The following MTBP variants were observed in gnomAD, a reference collection of about 807,000 sequenced individuals.
The protein encoded by MTBP is mdm2-binding protein.
In MTBP, 101 loss-of-function variants were observed where a neutral mutation model predicts 117.0. The observed-to-expected ratio is 0.86, with a 90% CI of 0.73 to 1.02. MTBP has a LOEUF of 1.02. Ranked by LOEUF, MTBP falls within the 50% of genes least tolerant of loss-of-function variation. The pLI, the probability that MTBP is intolerant of heterozygous loss-of-function variation, is 0.00. For synonymous variants in MTBP, 350 were observed against 351.5 expected (o/e 1.00, Z 0.05); for missense variants, 970 against 1,030.9 (o/e 0.94, Z 0.81).
chr8:120,462,452 CA>C, intron 9 of MTBP, among the ~76,000 whole-genome samples: 1 of 152,194 alleles, frequency 6.6e-6, no homozygotes, highest in Middle Eastern at 3.4e-3. Context: ...GCCATTTTCG[CA>C]GAGGAAAAGG....
intron 11 of MTBP, among the ~76,000 whole-genome samples, chr8:120,483,572 A>G (rs1814142976): frequency 6.6e-6 from 1 of 152,170 alleles, no homozygotes; most frequent in African/African-American, 2.4e-5. Context: ...GGTTTTAAGA[A>G]CAACTAAGAA....
At chr8:120,503,219 A>G (rs1326233653) in intron 15 of MTBP, among the ~76,000 whole-genome samples, 4 of 152,172 alleles carry the variant, frequency 2.6e-5, no homozygotes, top group Non-Finnish European at 4.4e-5. Context: ...TACTTGCTAT[A>G]GCTTTGTTTC....
chr8:120,511,888 T>C (rs537556598), intron 17 of MTBP, among the ~76,000 whole-genome samples: 1 of 152,274 alleles, frequency 6.6e-6, no homozygotes, highest in East Asian at 1.9e-4. Flanking sequence ...CTTATGTCAA[T>C]ATTTTTAACT....
chr8:120,463,647 G>A (rs754293121), intron 9 of MTBP, 45 bp from the exon 10 acceptor site: 1 of 1,440,032 alleles, frequency 6.9e-7, no homozygotes, highest in East Asian at 2.3e-5. Flanking sequence ...GGAGTACATT[G>A]TTTCATGGGT....
Position 120,451,061 on chromosome 8 carries a change from A to T in MTBP, c.258A>T (p.Ile86=). The T allele has an allele frequency of 1.9e-6, 3 of 1,611,888 alleles. No homozygotes were observed. Among genetic ancestry groups the T allele is most frequent in the East Asian group, 2.2e-5 (1 of 44,774 alleles). ...SKKWFFAVQA[I]YGFYQFCSSD... ...AGTGGTTCTTTGCAGTGCAGGCAAT[A>T]TATGGATTTTATCAGGTAATATAAA... Residue 86 remains isoleucine, a synonymous_variant, in exon 3 of 22, where the codon ATA becomes ATT. Transcript: ENST00000305949.
Position 120,521,206 on chromosome 8 carries a change from A to G in MTBP, c.2611-1448A>G, listed in dbSNP as rs545772693. On this transcript the variant is annotated intron_variant, in intron 20 of 21. Transcript: ENST00000305949. ...ACTTTGCTGTACATTTAGCCCATTTATTGCCAGTATTTAGGAGTGAAAAAC... is the reference window on the plus strand; with the variant it reads ...ACTTTGCTGTACATTTAGCCCATTTGTTGCCAGTATTTAGGAGTGAAAAAC... Among the ~76,000 whole-genome samples the G allele has an allele frequency of 2.2e-3, 337 of 152,314 alleles. 1 individual carries two copies. Among genetic ancestry groups the G allele is most frequent in the South Asian group, 4.3e-3 (21 of 4,834 alleles).
intron 19 of MTBP, 131 bp from the exon 20 acceptor site, chr8:120,518,573 T>G (rs914374768): frequency 1.8e-6 from 1 of 561,430 alleles, no homozygotes; most frequent in Non-Finnish European, 3.1e-6. Context: ...AATCATTTTG[T>G]CTTAATGAAC....
Position 120,488,250 on chromosome 8 carries a change from C to T in MTBP, c.1257C>T (p.His419=). The part of the protein sequence containing the change: ...GNRRCKATLI[H]SANQINGSFA... The stretch of plus-strand genomic sequence containing the variant: ...GAAGATGTAAAGCCACATTGATTCA[C>T]TCAGCCAACCAGATCAATGGCTCAT... The change falls in exon 12 of 22, where the codon CAC becomes CAT. Residue 419 remains histidine, a synonymous_variant. Coordinates refer to ENST00000305949, the MANE Select transcript of MTBP (RefSeq NM_022045.5). 4 of 1,592,120 alleles carry T rather than the reference C, an allele frequency of 2.5e-6. No individual in the cohort carries two copies. The highest frequency in any genetic ancestry group is 3.4e-6 in the Non-Finnish European group (4 of 1,171,968).
In MTBP at chr8:120,470,948, CAT is replaced by C. The variant is rs749151545; in HGVS notation, c.1165+12_1165+13del. 40 of 1,523,414 alleles carry C rather than the reference CAT, an allele frequency of 2.6e-5. No individual in the cohort carries two copies. The highest frequency in any genetic ancestry group is 3.4e-5 in the Non-Finnish European group (37 of 1,100,342). The allele number at this position is 1,523,414 out of a possible 1,614,324, so 94.4% of individuals were successfully genotyped here. ...CTAAAACAATCAGTGGTAAGTATTA[CAT>C]GTTTCGGTTGTTTTAATGATGCAGC... On this transcript the variant is annotated intron_variant, in intron 11 of 21. Transcript: ENST00000305949.
intron 14 of MTBP, among the ~76,000 whole-genome samples, chr8:120,501,015 C>A (rs1381986432): frequency 6.6e-6 from 1 of 152,164 alleles, no homozygotes; most frequent in East Asian, 1.9e-4. Flanking sequence ...CATGGTGAAA[C>A]CCCGTCCCTA....
chr8:120,464,763 A>G (rs1405928524), intron 10 of MTBP, among the ~76,000 whole-genome samples: 1 of 152,076 alleles, frequency 6.6e-6, no homozygotes, highest in Non-Finnish European at 1.5e-5. Flanking sequence ...CCTGGCTTTC[A>G]TCCTCTAAGA....
intron 6 of MTBP, 36 bp from the exon 7 acceptor site, chr8:120,456,517 A>G (rs1364284723): frequency 8.0e-7 from 1 of 1,254,400 alleles, no homozygotes; most frequent in African/African-American, 1.5e-5. Flanking sequence ...GAAATATAAA[A>G]CCCTGTGTTT....
chr8:120,456,560 C>T lies in MTBP; in HGVS notation c.637C>T (p.Gln213Ter). Reference sequence around the variant, plus strand: ...GTAATCTTTTTTTTATAGAAACTGTCAGAAAATTGCAGAATACCTTTCTGC... The same window carrying T: ...GTAATCTTTTTTTTATAGAAACTGTTAGAAAATTGCAGAATACCTTTCTGC... ...IAGNHCEINC[Q>*]KIAEYLSANV... The change falls in exon 7 of 22, where the codon CAG becomes TAG. Residue 213 changes from glutamine to a stop codon, truncating the protein, a stop_gained. Transcript: ENST00000305949. LOFTEE classifies it high-confidence loss of function. The T allele has an allele frequency of 6.6e-7, 1 of 1,507,108 alleles. No homozygotes were observed. The highest frequency in any genetic ancestry group is 9.1e-7 in the Non-Finnish European group (1 of 1,096,696). 93.4% of individuals were successfully genotyped at this position (1,507,108 alleles called of 1,614,324 possible). A position where few individuals can be genotyped will look rare whatever the true frequency, so the allele number is the denominator to read the frequency against.
chr8:120,453,966 A>G, intron 5 of MTBP, 61 bp downstream of exon 5: 1 of 1,009,066 alleles, frequency 9.9e-7, no homozygotes, highest in Non-Finnish European at 1.5e-6. Context: ...TTATGAATAA[A>G]TGATAAATTT....
At chr8:120,458,945 G>A (rs1051141601) in intron 7 of MTBP, among the ~76,000 whole-genome samples, 4 of 151,552 alleles carry the variant, frequency 2.6e-5, no homozygotes, top group Admixed American at 6.6e-5. Context: ...AAAAGAGGTT[G>A]TTTGGTCCTG....
chr8:120,490,298 AATT>A (rs1413266305), intron 12 of MTBP, among the ~76,000 whole-genome samples, 162 bp from the exon 13 acceptor site: 1 of 152,154 alleles, frequency 6.6e-6, no homozygotes, highest in Non-Finnish European at 1.5e-5. Context: ...TCTGCTGCTT[AATT>A]ATTATTATTA....
At chr8:120,490,859 GT>G (rs1448708849) in intron 13 of MTBP, among the ~76,000 whole-genome samples, 1 of 152,006 alleles carries the variant, frequency 6.6e-6, no homozygotes. Context: ...AGGTATGTAA[GT>G]TTTATTTTTC....
intron 17 of MTBP, among the ~76,000 whole-genome samples, chr8:120,512,601 T>G (rs1295197913): frequency 6.6e-6 from 1 of 152,180 alleles, no homozygotes; most frequent in East Asian, 1.9e-4. Context: ...CAGAGCTTTA[T>G]TAACTTATAC....
chr8:120,446,071 C>CTTTTTGGTG (rs1813219622), intron 1 of MTBP, among the ~76,000 whole-genome samples: 1 of 151,926 alleles, frequency 6.6e-6, no homozygotes, highest in South Asian at 2.1e-4. Flanking sequence ...TTTGGTGCAC[C>CTTTTTGGTG]CGTCTAGATT....
Sources: gnomAD v4.1 joint callset for allele counts (sites outside exome capture counted in the v4.1 genomes callset) on GRCh38, gnomAD v4.1.1 for gene constraint, MANE v1.5 for transcripts, NCBI Gene and HGNC (gene_info 2026-07-23, HGNC 2026-07-21) for gene names.